LRP1B: variants seen among roughly 807,000 people sequenced by gnomAD.
LRP1B encodes the protein low-density lipoprotein receptor-related protein 1B.
In LRP1B, 217 loss-of-function variants were observed where a neutral mutation model predicts 556.6. The ratio of observed to expected loss-of-function variants is 0.39; its 90% CI spans 0.35 to 0.44. The LOEUF (loss-of-function observed/expected upper bound fraction) is 0.44, where lower values mean the gene tolerates loss of function less well. LRP1B is among the 20% of genes least tolerant of loss of function. LRP1B has a pLI of 1.00. For synonymous variants in LRP1B, 2,047 were observed against 1,865.8 expected, an observed-to-expected ratio of 1.10 and a Z score of -2.50; for missense variants, 5,053 against 5,620.8, an observed-to-expected ratio of 0.90 and a Z score of 3.23.
intron 2 of LRP1B, among the ~76,000 whole-genome samples, chr2:141,622,198 C>G (rs1164297012): frequency 6.6e-6 from 1 of 152,044 alleles, no homozygotes; most frequent in Admixed American, 6.5e-5. Context: ...GCTCATTACT[C>G]TCATTTTATA....
At chr2:142,004,567 C>T (rs1702747081) in intron 1 of LRP1B, among the ~76,000 whole-genome samples, 2 of 151,898 alleles carry the variant, frequency 1.3e-5, no homozygotes, top group South Asian at 4.2e-4. Flanking sequence ...AATTGTCAGC[C>T]AGGCACAGTG....
At chr2:140,496,895 T>A (rs1469381373) in intron 55 of LRP1B, among the ~76,000 whole-genome samples, 1 of 72,374 alleles carries the variant, frequency 1.4e-5, no homozygotes, top group Non-Finnish European at 2.8e-5. Context: ...TGGATAAAAT[T>A]TATTTATTTA....
intron 29 of LRP1B, among the ~76,000 whole-genome samples, chr2:140,848,060 C>A (rs2105112483): frequency 6.6e-6 from 1 of 151,862 alleles, no homozygotes; most frequent in East Asian, 1.9e-4. Flanking sequence ...TTCACAGAGC[C>A]TTTTGGATAA....
At chr2:141,947,448 T>C (rs1439285164) in intron 1 of LRP1B, among the ~76,000 whole-genome samples, 1 of 151,296 alleles carries the variant, frequency 6.6e-6, no homozygotes, top group Non-Finnish European at 1.5e-5. Context: ...AAAAAATAAA[T>C]AAATAATAAA....
At chr2:140,863,475 A>G (rs918177434) in intron 27 of LRP1B, among the ~76,000 whole-genome samples, 2 of 152,186 alleles carry the variant, frequency 1.3e-5, no homozygotes, top group Non-Finnish European at 2.9e-5. Flanking sequence ...CATTAATTTT[A>G]ATGCACACTT....
chr2:140,895,499 GTCACC>G (rs112864701), intron 23 of LRP1B, among the ~76,000 whole-genome samples: 7,734 of 136,850 alleles, frequency 0.057, 612 homozygotes, highest in African/African-American at 0.19. Context: ...AATGCTTCAG[GTCACC>G]TCACCGGCAG....
chr2:140,836,287 G>A (rs1691900237), intron 31 of LRP1B, among the ~76,000 whole-genome samples: 1 of 152,154 alleles, frequency 6.6e-6, no homozygotes, highest in African/African-American at 2.4e-5. Context: ...ATGCAACTGT[G>A]CCTTAGAAAA....
chr2:141,772,501 A>G (rs1029842270), intron 2 of LRP1B, among the ~76,000 whole-genome samples: 2 of 152,156 alleles, frequency 1.3e-5, no homozygotes, highest in Non-Finnish European at 2.9e-5. Flanking sequence ...GCAAATTCCC[A>G]GGCGCTTCCC....
intron 2 of LRP1B, among the ~76,000 whole-genome samples, chr2:141,745,123 T>C (rs955133160): frequency 2.0e-5 from 3 of 152,164 alleles, no homozygotes; most frequent in Admixed American, 1.3e-4. Flanking sequence ...CTAATGAGAC[T>C]GCTCTGAGTC....
chr2:141,492,007 T>C (rs112255954), intron 2 of LRP1B, among the ~76,000 whole-genome samples: 186 of 139,098 alleles, frequency 1.3e-3, no homozygotes, highest in Admixed American at 4.2e-3. Flanking sequence ...GATGGCCAAG[T>C]GATAATCGTT....
At chr2:140,312,905 T>C (rs1056664709) in intron 83 of LRP1B, among the ~76,000 whole-genome samples, 1 of 151,946 alleles carries the variant, frequency 6.6e-6, no homozygotes, top group Non-Finnish European at 1.5e-5. Flanking sequence ...TATTGTCCTA[T>C]ACAACTGTCA....
At chr2:140,955,658 C>T (rs552801746) in intron 18 of LRP1B, among the ~76,000 whole-genome samples, 1 of 151,738 alleles carries the variant, frequency 6.6e-6, no homozygotes, top group African/African-American at 2.4e-5. Context: ...CTCAATTTAC[C>T]TATTATATGT....
intron 43 of LRP1B, among the ~76,000 whole-genome samples, chr2:140,542,729 T>C (rs1355629176): frequency 6.6e-6 from 1 of 152,042 alleles, no homozygotes; most frequent in Non-Finnish European, 1.5e-5. Flanking sequence ...TGAATAAAAG[T>C]TACGGGAAGT....
At chr2:141,142,830 G>T (rs761650183) in intron 7 of LRP1B, among the ~76,000 whole-genome samples, 48 of 150,848 alleles carry the variant, frequency 3.2e-4, no homozygotes, top group Non-Finnish European at 3.5e-4. Context: ...GCCAAGAACA[G>T]AACTAATCAA....
At chr2:141,638,403 G>A (rs1021111770) in intron 2 of LRP1B, among the ~76,000 whole-genome samples, 3 of 151,646 alleles carry the variant, frequency 2.0e-5, no homozygotes, top group Non-Finnish European at 2.9e-5. Context: ...GTTTTTTAAT[G>A]AATTGCCTAG....
intron 2 of LRP1B, among the ~76,000 whole-genome samples, chr2:141,734,518 A>T (rs1693393788): frequency 6.6e-6 from 1 of 152,134 alleles, no homozygotes; most frequent in African/African-American, 2.4e-5. Flanking sequence ...TGTTTAAGAA[A>T]AACCATTAAA....
chr2:141,454,293 T>C lies in LRP1B; in HGVS notation c.343+26103A>G, dbSNP rs116455828. 5.7e-3 allele frequency among the ~76,000 whole-genome samples: 869 copies of C among 152,320 alleles called. 4 individuals carry two copies. Among genetic ancestry groups the C allele is most frequent in the South Asian group, 0.015 (72 of 4,832 alleles). On this transcript the variant is annotated intron_variant, in intron 3 of 90. Coordinates refer to ENST00000389484, the MANE Select transcript of LRP1B (RefSeq NM_018557.3). ...TGTTCCCAATAATGTTCTTTTTCAT[T>C]ACAGTTTCTGATTTGATATTAAAGA...
At chr2:141,438,307 T>C (rs1222620945) in intron 3 of LRP1B, among the ~76,000 whole-genome samples, 5 of 152,094 alleles carry the variant, frequency 3.3e-5, no homozygotes, top group Non-Finnish European at 7.4e-5. Context: ...GTAATGTGTG[T>C]GTGTTTGAAA....
At chr2:142,003,969 T>C (rs906358982) in intron 1 of LRP1B, among the ~76,000 whole-genome samples, 2 of 152,170 alleles carry the variant, frequency 1.3e-5, no homozygotes, top group East Asian at 1.9e-4. Flanking sequence ...AATTGCTAGA[T>C]TGCTACAAAG....
Sources: allele counts gnomAD v4.1 joint callset (sites outside exome capture counted in the v4.1 genomes callset), GRCh38; gene constraint gnomAD v4.1.1; transcripts MANE v1.5; gene names NCBI Gene and HGNC (gene_info 2026-07-23, HGNC 2026-07-21).